The following SYT1 variants were observed in gnomAD, a reference collection of about 807,000 sequenced individuals.
SYT1 encodes the protein synaptotagmin-1.
A neutral mutation model predicts 44.8 loss-of-function variants in SYT1; 8 were observed. The ratio of observed to expected loss-of-function variants is 0.18; its 90% confidence interval spans 0.10 to 0.32. The LOEUF (loss-of-function observed/expected upper bound fraction) is 0.32. SYT1 is among the 10% of genes least tolerant of loss of function. The pLI is 1.00. For missense variants in SYT1, 286 were observed against 509.3 expected, an observed-to-expected ratio of 0.56 and a Z score of 4.22; for synonymous variants, 154 against 188.8, an observed-to-expected ratio of 0.82 and a Z score of 1.51.
At chr12:79,021,143 C>T (rs1872163193) in intron 2 of SYT1, among the ~76,000 whole-genome samples, 1 of 151,878 alleles carries the variant, frequency 6.6e-6, no homozygotes, top group Admixed American at 6.6e-5. Context: ...TAAAAACATC[C>T]TTGCAAATGT....
intron 3 of SYT1, among the ~76,000 whole-genome samples, chr12:79,154,541 A>G (rs868361865): frequency 1.3e-5 from 2 of 152,202 alleles, no homozygotes; most frequent in Middle Eastern, 6.8e-3. Context: ...CACCACTGTC[A>G]GGTAGAGATA....
intron 3 of SYT1, among the ~76,000 whole-genome samples, chr12:79,063,297 A>G (rs958931483): frequency 6.6e-6 from 1 of 152,172 alleles, no homozygotes. Context: ...AGGCAGCTGG[A>G]GAACTTGTCT....
At chr12:78,961,105 T>C (rs1879477756) in intron 1 of SYT1, among the ~76,000 whole-genome samples, 1 of 152,066 alleles carries the variant, frequency 6.6e-6, no homozygotes, top group South Asian at 2.1e-4. Flanking sequence ...GCTTTATTTT[T>C]TTTAAGAAAT....
intron 9 of SYT1, among the ~76,000 whole-genome samples, chr12:79,408,729 C>CTT (rs200830513): frequency 1.4e-5 from 2 of 141,284 alleles, no homozygotes; most frequent in Non-Finnish European, 3.1e-5. Context: ...CCTTTTCTTT[C>CTT]TTTTTTTTTT....
intron 4 of SYT1, among the ~76,000 whole-genome samples, chr12:79,247,624 TTGGCCG>T (rs1565873877): frequency 6.6e-6 from 1 of 152,172 alleles, no homozygotes; most frequent in Non-Finnish European, 1.5e-5. Flanking sequence ...CACCTACACA[TTGGCCG>T]TGGATCTCTA....
chr12:79,345,013 C>T lies in SYT1; in HGVS notation c.811-8489C>T, dbSNP rs185030734. Among the ~76,000 whole-genome samples the T allele has an allele frequency of 6.6e-4, 100 of 152,250 alleles. 1 individual carries two copies. Among genetic ancestry groups the T allele is most frequent in the African/African-American group, 2.4e-3 (98 of 41,542 alleles). ...TTTAAGCTGTTCAAGGGGTATAGTA[C>T]TGTGTACATGCATTCCTGTGCCTAG... On this transcript the variant is annotated intron_variant, in intron 8 of 10. Coordinates refer to ENST00000261205, the MANE Select transcript of SYT1 (RefSeq NM_005639.3).
intron 3 of SYT1, among the ~76,000 whole-genome samples, chr12:79,216,183 G>A (rs919327100): frequency 6.6e-6 from 1 of 151,848 alleles, no homozygotes. Flanking sequence ...CGCCTGCCTC[G>A]GCCTCCCAAA....
At chr12:79,359,874 A>G (rs1195168916) in intron 9 of SYT1, among the ~76,000 whole-genome samples, 1 of 152,184 alleles carries the variant, frequency 6.6e-6, no homozygotes, top group Non-Finnish European at 1.5e-5. Context: ...ACTAGATTCC[A>G]AGGAGAAACC....
At chr12:79,160,502 G>T (rs1262180219) in intron 3 of SYT1, among the ~76,000 whole-genome samples, 1 of 152,132 alleles carries the variant, frequency 6.6e-6, no homozygotes, top group African/African-American at 2.4e-5. Context: ...ACAGATTCAA[G>T]ACATACTGTG....
intron 3 of SYT1, among the ~76,000 whole-genome samples, chr12:79,183,881 C>A (rs1419447563): frequency 6.6e-6 from 1 of 152,074 alleles, no homozygotes; most frequent in African/African-American, 2.4e-5. Flanking sequence ...AATCTCATAA[C>A]AAGAAGCACA....
In SYT1 at chr12:79,343,421, C is replaced by T. The variant is rs575143920; in HGVS notation, c.811-10081C>T. ...AGGAACTCTTCTAACTCCTTTTTTA[C>T]ATACTAACTGATGTAATTCTACTGA... On this transcript the variant is annotated intron_variant, in intron 8 of 10. Transcript: ENST00000261205. Among the ~76,000 whole-genome samples the T allele has an allele frequency of 3.3e-5, 5 of 152,286 alleles. No individual in the cohort carries two copies. The East Asian group carries it at 7.7e-4, about 23-fold the overall frequency.
chr12:79,179,484 TAG>T (rs1488598719), intron 3 of SYT1, among the ~76,000 whole-genome samples: 11 of 104,486 alleles, frequency 1.1e-4, no homozygotes, highest in Non-Finnish European at 1.6e-4. Context: ...TATAGAGATA[TAG>T]ATATATCTAT....
At chr12:79,041,988 G>A (rs1383754969) in intron 2 of SYT1, among the ~76,000 whole-genome samples, 3 of 152,108 alleles carry the variant, frequency 2.0e-5, no homozygotes, top group South Asian at 2.1e-4. Context: ...CTTGATCATG[G>A]TGGATAAGCT....
At chr12:79,444,911 A>G (rs1169831629) in intron 10 of SYT1, among the ~76,000 whole-genome samples, 3 of 152,172 alleles carry the variant, frequency 2.0e-5, no homozygotes, top group Non-Finnish European at 4.4e-5. Context: ...CCCCATCTCC[A>G]TAGTTAGCCT....
intron 4 of SYT1, among the ~76,000 whole-genome samples, chr12:79,276,888 T>C (rs1269886414): frequency 7.3e-6 from 1 of 136,892 alleles, no homozygotes; most frequent in Non-Finnish European, 1.5e-5. Context: ...ACATAAAATG[T>C]CAAAACCTAA....
intron 1 of SYT1, among the ~76,000 whole-genome samples, chr12:78,873,724 T>C (rs1006183075): frequency 6.6e-6 from 1 of 151,682 alleles, no homozygotes; most frequent in African/African-American, 2.4e-5. Flanking sequence ...CACATAACAT[T>C]AGTGGAAGTT....
intron 1 of SYT1, among the ~76,000 whole-genome samples, chr12:78,952,250 C>CA (rs1308745032): frequency 4.6e-5 from 7 of 151,760 alleles, no homozygotes; most frequent in Non-Finnish European, 1.0e-4. Flanking sequence ...TCTGCTTTTT[C>CA]AAAAAAAGAC....
chr12:78,895,927 C>T (rs573374744), intron 1 of SYT1, among the ~76,000 whole-genome samples: 19 of 151,692 alleles, frequency 1.3e-4, no homozygotes, highest in African/African-American at 4.6e-4. Flanking sequence ...AACGTAAGGA[C>T]AGGAGACAAG....
intron 3 of SYT1, among the ~76,000 whole-genome samples, chr12:79,136,975 G>C (rs1220616974): frequency 6.6e-6 from 1 of 152,032 alleles, no homozygotes; most frequent in Non-Finnish European, 1.5e-5. Context: ...ATTTCTATGG[G>C]TCAGATATTT....
Sources: allele counts gnomAD v4.1 joint callset (sites outside exome capture counted in the v4.1 genomes callset), GRCh38; gene constraint gnomAD v4.1.1; transcripts MANE v1.5; gene names NCBI Gene and HGNC (gene_info 2026-07-23, HGNC 2026-07-21).